The following IGSF11 variants were observed in gnomAD, a reference collection of about 807,000 sequenced individuals.
IGSF11 encodes the protein CXADR like 1.
In IGSF11, 22 loss-of-function variants were observed where a neutral mutation model predicts 41.0. The observed-to-expected ratio is 0.54, with a 90% CI of 0.38 to 0.77. The LOEUF (loss-of-function observed/expected upper bound fraction) is 0.77. Among genes scored for constraint, IGSF11 ranks in the 30% least tolerant of loss-of-function variants. The pLI is 0.00. For synonymous variants in IGSF11, 219 were observed against 201.3 expected, an observed-to-expected ratio of 1.09 and a Z score of -0.74; for missense variants, 444 against 530.8, an observed-to-expected ratio of 0.84 and a Z score of 1.61.
intron 1 of IGSF11, among the ~76,000 whole-genome samples, chr3:118,946,204 G>T (rs868786005): frequency 7.1e-6 from 1 of 140,666 alleles, no homozygotes; most frequent in Non-Finnish European, 1.6e-5. Context: ...ACACACACAC[G>T]CACACACACA....
intron 1 of IGSF11, among the ~76,000 whole-genome samples, chr3:119,028,371 G>C (rs1246508704): frequency 5.3e-5 from 8 of 152,162 alleles, no homozygotes; most frequent in Non-Finnish European, 1.2e-4. Flanking sequence ...AGTGTCTCCA[G>C]TACTTTGTAT....
At chr3:118,906,057 T>C (rs1006273959) in intron 4 of IGSF11, among the ~76,000 whole-genome samples, 7 of 152,208 alleles carry the variant, frequency 4.6e-5, no homozygotes, top group African/African-American at 1.4e-4. Flanking sequence ...CAAATTCTAG[T>C]TCTGAGGAAC....
chr3:118,930,046 C>T (rs1576398510), intron 2 of IGSF11, 66 bp downstream of exon 2: 3 of 1,492,478 alleles, frequency 2.0e-6, no homozygotes. Context: ...ACTCATGATG[C>T]TTCCCTACCA....
At chr3:119,055,256 A>G (rs1272270595) in intron 1 of IGSF11, among the ~76,000 whole-genome samples, 1 of 152,248 alleles carries the variant, frequency 6.6e-6, no homozygotes, top group African/African-American at 2.4e-5. Flanking sequence ...CAGAAACTCT[A>G]AAAATCAGAG....
intron 4 of IGSF11, among the ~76,000 whole-genome samples, chr3:118,914,465 TTC>T (rs1446207426): frequency 1.3e-5 from 2 of 150,652 alleles, no homozygotes; most frequent in Admixed American, 1.3e-4. Flanking sequence ...GGTCAGGGAG[TTC>T]TCTTTCCGAG....
At chr3:118,998,824 T>C (rs1439214692) in intron 1 of IGSF11, among the ~76,000 whole-genome samples, 1 of 152,126 alleles carries the variant, frequency 6.6e-6, no homozygotes, top group Non-Finnish European at 1.5e-5. Flanking sequence ...TGGTATCTAT[T>C]TTATGCGGTT....
At chr3:119,110,376 G>A (rs966419281) in intron 1 of IGSF11, among the ~76,000 whole-genome samples, 1 of 151,896 alleles carries the variant, frequency 6.6e-6, no homozygotes, top group Non-Finnish European at 1.5e-5. Flanking sequence ...ATCTTTGTTG[G>A]TTTAAAGTCT....
At chr3:119,078,372 C>A (rs914382137) in intron 1 of IGSF11, among the ~76,000 whole-genome samples, 1 of 152,128 alleles carries the variant, frequency 6.6e-6, no homozygotes, top group Admixed American at 6.5e-5. Flanking sequence ...AAAACAGAGA[C>A]CATTACCAAT....
chr3:119,102,144 T>C (rs1318096992), intron 1 of IGSF11, among the ~76,000 whole-genome samples: 1 of 152,224 alleles, frequency 6.6e-6, no homozygotes, highest in African/African-American at 2.4e-5. Context: ...CATTTAATCA[T>C]ACTGGTACAT....
At chr3:119,144,656 A>G (rs1326359268) in intron 1 of IGSF11, among the ~76,000 whole-genome samples, 1 of 152,210 alleles carries the variant, frequency 6.6e-6, no homozygotes, top group Non-Finnish European at 1.5e-5. Flanking sequence ...ATCAGCTCAG[A>G]GGGAAATTTG....
At chr3:118,937,211 T>G (rs1193552139) in intron 1 of IGSF11, among the ~76,000 whole-genome samples, 2 of 152,234 alleles carry the variant, frequency 1.3e-5, no homozygotes, top group African/African-American at 4.8e-5. Flanking sequence ...GCTTATTAGT[T>G]TATATCATCC....
chr3:119,024,773 C>T (rs757935111), intron 1 of IGSF11, among the ~76,000 whole-genome samples: 1 of 151,922 alleles, frequency 6.6e-6, no homozygotes, highest in Non-Finnish European at 1.5e-5. Flanking sequence ...ATTTAGACAA[C>T]TATGCTTGGC....
chr3:118,993,946 G>A (rs972465323), intron 1 of IGSF11, among the ~76,000 whole-genome samples: 4 of 152,170 alleles, frequency 2.6e-5, no homozygotes, highest in East Asian at 1.9e-4. Context: ...AATGGTACTC[G>A]CTGCATAAAT....
chr3:119,034,999 G>A (rs1940816539), upstream of IGSF11: 1 of 236,848 alleles, frequency 4.2e-6, no homozygotes, highest in Non-Finnish European at 6.9e-6. Context: ...GCCCACCCGC[G>A]GAGCAGAGCG....
At chr3:118,912,686 A>G (rs1250501044) in intron 4 of IGSF11, among the ~76,000 whole-genome samples, 1 of 152,228 alleles carries the variant, frequency 6.6e-6, no homozygotes, top group Non-Finnish European at 1.5e-5. Context: ...TATCACCATG[A>G]AGAAAAGTTA....
upstream of IGSF11, among the ~76,000 whole-genome samples, chr3:119,105,834 T>A (rs1255531881): frequency 6.6e-6 from 1 of 151,736 alleles, no homozygotes; most frequent in East Asian, 1.9e-4. Context: ...AGGGCTAAAT[T>A]CTCTCTCACT....
chr3:118,925,561 T>A (rs1035855885), intron 4 of IGSF11, among the ~76,000 whole-genome samples: 2 of 152,200 alleles, frequency 1.3e-5, no homozygotes, highest in African/African-American at 2.4e-5. Flanking sequence ...GCAGCTGGGT[T>A]TACACGTAGA....
At chr3:119,129,490 AG>A (rs1286914557) in intron 1 of IGSF11, among the ~76,000 whole-genome samples, 2 of 152,196 alleles carry the variant, frequency 1.3e-5, no homozygotes, top group Non-Finnish European at 2.9e-5. Context: ...TTCAAAAAAT[AG>A]TACTATAAGA....
chr3:119,096,512 T>C (rs1430417482), intron 1 of IGSF11, among the ~76,000 whole-genome samples: 1 of 152,170 alleles, frequency 6.6e-6, no homozygotes, highest in East Asian at 1.9e-4. Flanking sequence ...GCAACTGAAC[T>C]ACACTACTTC....
Sources: gnomAD v4.1 joint callset for allele counts (sites outside exome capture counted in the v4.1 genomes callset) on GRCh38, gnomAD v4.1.1 for gene constraint, MANE v1.5 for transcripts, NCBI Gene and HGNC (gene_info 2026-07-23, HGNC 2026-07-21) for gene names.